The following KCNAB1 variants were observed in gnomAD, a reference collection of about 807,000 sequenced individuals.
The protein encoded by KCNAB1 is potassium voltage-gated channel subfamily A regulatory beta subunit 1, also known as voltage-gated potassium channel subunit beta-1.
In KCNAB1, 35 loss-of-function variants were observed where a neutral mutation model predicts 64.6. That is an observed-to-expected ratio of 0.54 (90% CI 0.41 to 0.72). The LOEUF (loss-of-function observed/expected upper bound fraction) is 0.72, where lower values mean the gene tolerates loss of function less well. Among genes scored for constraint, KCNAB1 ranks in the 30% least tolerant of loss-of-function variants. KCNAB1 has a pLI of 0.00. For synonymous variants in KCNAB1, 177 were observed against 183.8 expected, an observed-to-expected ratio of 0.96 and a Z score of 0.30; for missense variants, 401 against 512.9, an observed-to-expected ratio of 0.78 and a Z score of 2.11.
intron 8 of KCNAB1, among the ~76,000 whole-genome samples, chr3:156,483,997 T>C (rs1230300537): frequency 1.3e-5 from 2 of 152,120 alleles, no homozygotes; most frequent in African/African-American, 2.4e-5. Flanking sequence ...AGAAAAACAA[T>C]TGTACTCATC....
At chr3:156,158,412 T>G (rs1415300552) in intron 1 of KCNAB1, among the ~76,000 whole-genome samples, 22 of 152,096 alleles carry the variant, frequency 1.4e-4, no homozygotes, top group Admixed American at 1.4e-3. Context: ...ACACTGAAAT[T>G]AACCAGGAGA....
chr3:156,530,625 A>G (rs1430246777), intron 12 of KCNAB1, among the ~76,000 whole-genome samples: 1 of 152,142 alleles, frequency 6.6e-6, no homozygotes, highest in Non-Finnish European at 1.5e-5. Context: ...GAAGCCAAAA[A>G]CGCAGATGCA....
At chr3:156,312,731 A>AAAAAAAAAAAAAAAAAAAC (rs1722007557) in intron 1 of KCNAB1, among the ~76,000 whole-genome samples, 8 of 144,612 alleles carry the variant, frequency 5.5e-5, no homozygotes, top group African/African-American at 2.2e-4. Flanking sequence ...AAAAAAAAAA[A>AAAAAAAAAAAAAAAAAAAC]CTCATAATAA....
At chr3:156,382,284 G>A (rs1712222548) in intron 1 of KCNAB1, 1 of 152,094 alleles carries the variant, frequency 6.6e-6, no homozygotes, top group African/African-American at 2.4e-5. Context: ...GGGAGTTTGG[G>A]ACCAGCCTGA....
At chr3:156,140,392 G>A (rs1714637976) in intron 1 of KCNAB1, among the ~76,000 whole-genome samples, 2 of 152,178 alleles carry the variant, frequency 1.3e-5, no homozygotes, top group African/African-American at 4.8e-5. Flanking sequence ...TGAGATCAGG[G>A]TGCCAGCAGG....
chr3:156,533,013 A>G (rs889457228), intron 13 of KCNAB1, among the ~76,000 whole-genome samples: 2 of 152,214 alleles, frequency 1.3e-5, no homozygotes, highest in African/African-American at 4.8e-5. Flanking sequence ...TAAAATATCT[A>G]TCCCTTAATT....
intron 8 of KCNAB1, among the ~76,000 whole-genome samples, chr3:156,499,549 A>C (rs187959894): frequency 5.3e-5 from 8 of 152,314 alleles, no homozygotes; most frequent in African/African-American, 1.9e-4. Context: ...ATCAAATCAC[A>C]TAATCAAAAG....
intron 1 of KCNAB1, among the ~76,000 whole-genome samples, chr3:156,271,794 CAT>C (rs1254693617): frequency 1.3e-5 from 2 of 152,160 alleles, no homozygotes; most frequent in African/African-American, 4.8e-5. Flanking sequence ...AGGTATTTAT[CAT>C]AGTCTTTGCA....
intron 1 of KCNAB1, among the ~76,000 whole-genome samples, chr3:156,318,357 A>T (rs1722430832): frequency 6.6e-6 from 1 of 152,222 alleles, no homozygotes; most frequent in African/African-American, 2.4e-5. Flanking sequence ...CACAGGGTCC[A>T]GGCAGGCAGA....
chr3:156,333,942 C>T (rs1206094296), intron 1 of KCNAB1, among the ~76,000 whole-genome samples: 3 of 129,718 alleles, frequency 2.3e-5, no homozygotes, highest in Admixed American at 1.4e-4. Flanking sequence ...TGTGTTTGCG[C>T]TCTTTATAAA....
intron 1 of KCNAB1, among the ~76,000 whole-genome samples, chr3:156,242,729 A>T (rs568337496): frequency 8.1e-4 from 122 of 149,820 alleles, no homozygotes; most frequent in African/African-American, 2.9e-3. Flanking sequence ...TAAACCAGTG[A>T]TTCCAGTTGT....
intron 2 of KCNAB1, among the ~76,000 whole-genome samples, chr3:156,447,106 C>T (rs975051720): frequency 5.3e-4 from 81 of 152,166 alleles, no homozygotes; most frequent in Non-Finnish European, 9.8e-4. Flanking sequence ...AGCCCCTTCA[C>T]TTTCTTTAGG....
chr3:156,511,346 A>G (rs952831525), intron 8 of KCNAB1, among the ~76,000 whole-genome samples: 3 of 151,710 alleles, frequency 2.0e-5, no homozygotes, highest in South Asian at 2.1e-4. Flanking sequence ...CTCGTGATCC[A>G]CCCGCCTCGG....
intron 11 of KCNAB1, among the ~76,000 whole-genome samples, chr3:156,521,736 TCTC>T (rs970272204): frequency 2.0e-5 from 3 of 152,164 alleles, no homozygotes; most frequent in African/African-American, 7.2e-5. Flanking sequence ...TTAAGCCTCA[TCTC>T]CTATCTCTGC....
rs1038117951 is a variant in KCNAB1 at position 156,477,223 on chromosome 3, G to A, written c.658+2403G>A. On this transcript the variant is annotated intron_variant, in intron 8 of 13. Transcript: ENST00000490337. ...TAATTGCTGCTGCCCAGTGGAGTTC[G>A]TAACTGCAGCATTATTTAGCCTTTA... is the stretch of plus-strand genomic sequence containing the variant. Among the ~76,000 whole-genome samples the A allele has an allele frequency of 2.0e-5, 3 of 152,218 alleles. No homozygotes were observed. In the East Asian group the frequency reaches 5.8e-4, roughly 29 times the overall value.
intron 1 of KCNAB1, among the ~76,000 whole-genome samples, chr3:156,286,508 G>A (rs1193685095): frequency 6.6e-6 from 1 of 152,174 alleles, no homozygotes; most frequent in Non-Finnish European, 1.5e-5. Flanking sequence ...TAAATTCTGA[G>A]TGGACCCAGC....
At chr3:156,433,981 C>T (rs912563273) in intron 2 of KCNAB1, among the ~76,000 whole-genome samples, 1 of 152,248 alleles carries the variant, frequency 6.6e-6, no homozygotes, top group South Asian at 2.1e-4. Context: ...TGGCATGGCT[C>T]TGGGGGAACA....
At chr3:156,376,597 A>G (rs768319452) in intron 1 of KCNAB1, among the ~76,000 whole-genome samples, 1 of 152,184 alleles carries the variant, frequency 6.6e-6, no homozygotes, top group South Asian at 2.1e-4. Context: ...TGCAGGGAAA[A>G]GAAGCTAGAT....
At chr3:156,425,989 C>T (rs1447171648) in intron 2 of KCNAB1, among the ~76,000 whole-genome samples, 1 of 151,984 alleles carries the variant, frequency 6.6e-6, no homozygotes, top group Non-Finnish European at 1.5e-5. Flanking sequence ...GAGGGAGACT[C>T]CACCGAGGGG....
Sources: allele counts gnomAD v4.1 joint callset (sites outside exome capture counted in the v4.1 genomes callset), GRCh38; gene constraint gnomAD v4.1.1; transcripts MANE v1.5; gene names NCBI Gene and HGNC (gene_info 2026-07-23, HGNC 2026-07-21).